The following MDM1 variants were observed in gnomAD, a reference collection of about 807,000 sequenced individuals.
MDM1 encodes stabilizer of axonemal microtubules 6.
In MDM1, 61 loss-of-function variants were observed where a neutral mutation model predicts 89.1. The observed-to-expected ratio is 0.68, with a 90% CI of 0.56 to 0.85. The LOEUF (loss-of-function observed/expected upper bound fraction) is 0.85, where lower values mean the gene tolerates loss of function less well. Ranked by LOEUF, MDM1 falls within the 40% of genes least tolerant of loss-of-function variation. The probability of loss-of-function intolerance (pLI) is 0.00; values close to 1 mark genes in which losing one functional copy is unlikely to be tolerated. For synonymous variants in MDM1, 290 were observed against 294.1 expected (o/e 0.99, Z 0.14); for missense variants, 820 against 846.5 (o/e 0.97, Z 0.39).
chr12:68,295,488 G>GA (rs371457882), intron 14 of MDM1, 122 bp from the exon 15 acceptor site: 29 of 607,438 alleles, frequency 4.8e-5, no homozygotes, highest in African/African-American at 4.0e-4. Flanking sequence ...AGTTAGTCAG[G>GA]AAAAAAAGTA....
chr12:68,325,347 A>G, intron 4 of MDM1, 94 bp downstream of exon 4: 1 of 1,386,826 alleles, frequency 7.2e-7, no homozygotes, highest in Non-Finnish European at 9.4e-7. Flanking sequence ...AGGCTACTTA[A>G]GTACTTAATT....
intron 3 of MDM1, 82 bp downstream of exon 3, chr12:68,326,575 C>A (rs867501626): frequency 6.2e-7 from 1 of 1,613,136 alleles, no homozygotes; most frequent in South Asian, 1.1e-5. Flanking sequence ...TTCTGAAACA[C>A]AAAATGTAAT....
intron 4 of MDM1, 170 bp downstream of exon 4, chr12:68,325,271 C>G: frequency 7.8e-7 from 1 of 1,278,926 alleles, no homozygotes; most frequent in South Asian, 2.9e-5. Flanking sequence ...ATATTACTAC[C>G]ATAAATCATA....
intron 9 of MDM1, among the ~76,000 whole-genome samples, chr12:68,315,708 T>C (rs1322983483): frequency 6.6e-6 from 1 of 152,212 alleles, no homozygotes; most frequent in Non-Finnish European, 1.5e-5. Context: ...AGCCACAAAA[T>C]CTATTAATGA....
intron 13 of MDM1, among the ~76,000 whole-genome samples, chr12:68,297,207 C>G (rs1871524511): frequency 6.6e-6 from 1 of 152,174 alleles, no homozygotes; most frequent in Non-Finnish European, 1.5e-5. Flanking sequence ...ATGCACTTAG[C>G]AAGCATGTAA....
At chr12:68,313,292 A>G (rs1873949422) in intron 12 of MDM1, 151 bp downstream of exon 12, 20 of 604,460 alleles carry the variant, frequency 3.3e-5, no homozygotes, top group Non-Finnish European at 5.7e-5. Flanking sequence ...AAAAAAGTCA[A>G]GCCTTTTGCC....
intron 14 of MDM1, among the ~76,000 whole-genome samples, chr12:68,296,183 A>G (rs1268854044): frequency 6.6e-6 from 1 of 152,246 alleles, no homozygotes; most frequent in Non-Finnish European, 1.5e-5. Context: ...TGCCACTATT[A>G]TAAGCAAATA....
intron 14 of MDM1, among the ~76,000 whole-genome samples, chr12:68,296,295 T>G (rs548783931): frequency 6.6e-6 from 1 of 152,130 alleles, no homozygotes; most frequent in Non-Finnish European, 1.5e-5. Flanking sequence ...GTCAGGAGTT[T>G]GAGACCATCC....
chr12:68,300,700 G>A (rs534235090), intron 13 of MDM1, among the ~76,000 whole-genome samples: 11 of 152,066 alleles, frequency 7.2e-5, no homozygotes, highest in Non-Finnish European at 1.2e-4. Context: ...AGTAGACAGC[G>A]ACATAATAAT....
chr12:68,332,138 G>C, intron 1 of MDM1, 90 bp downstream of exon 1: 1 of 1,498,332 alleles, frequency 6.7e-7, no homozygotes, highest in Non-Finnish European at 9.0e-7. Flanking sequence ...GAGGGCTGCA[G>C]CGCAGAAAAG....
intron 12 of MDM1, among the ~76,000 whole-genome samples, chr12:68,310,907 T>A (rs1196061469): frequency 6.6e-6 from 1 of 152,234 alleles, no homozygotes; most frequent in African/African-American, 2.4e-5. Context: ...GCCTTGTCAT[T>A]ACTGGTAACT....
chr12:68,313,806 G>A, intron 10 of MDM1, 53 bp from the exon 11 acceptor site: 1 of 1,396,348 alleles, frequency 7.2e-7, no homozygotes, highest in Non-Finnish European at 1.0e-6. Context: ...GAGAAAATAT[G>A]ATAAAAAATA....
Position 68,326,864 on chromosome 12 carries a change from T to C in MDM1, c.291A>G (p.Ala97=). The C allele has an allele frequency of 6.2e-7, 1 of 1,614,002 alleles. No homozygotes were observed. The highest frequency in any genetic ancestry group is 1.3e-5 in the African/African-American group (1 of 75,056). The part of the protein sequence containing the change: ...EAPETPKSQE[A]EQKDVTQERV... ...TTTCTTGAGTAACATCCTTTTGTTCTGCTTCTTGTGATTTTGGTGTTTCCG... is the reference window on the plus strand; with the variant it reads ...TTTCTTGAGTAACATCCTTTTGTTCCGCTTCTTGTGATTTTGGTGTTTCCG... The change falls in exon 3 of 15, where the codon GCA becomes GCG. Residue 97 remains alanine (A), a synonymous_variant. Transcript: ENST00000682720.
At chr12:68,308,994 C>T (rs1362963947) in intron 12 of MDM1, among the ~76,000 whole-genome samples, 1 of 152,200 alleles carries the variant, frequency 6.6e-6, no homozygotes, top group Non-Finnish European at 1.5e-5. Flanking sequence ...CCAACACCTC[C>T]TACGTGGACT....
chr12:68,325,675 A>C, intron 3 of MDM1, 100 bp from the exon 4 acceptor site: 1 of 1,371,632 alleles, frequency 7.3e-7, no homozygotes, highest in African/African-American at 1.5e-5. Flanking sequence ...CTATCCTCTT[A>C]ACAAAATGTT....
At chr12:68,321,475 T>C (rs772986683) in intron 6 of MDM1, 29 bp from the exon 7 acceptor site, 3 of 1,610,994 alleles carry the variant, frequency 1.9e-6, no homozygotes, top group Admixed American at 3.3e-5. Flanking sequence ...AAGTAAATAT[T>C]TCACCATGTT....
intron 7 of MDM1, among the ~76,000 whole-genome samples, chr12:68,317,406 G>T (rs2121022189): frequency 6.6e-6 from 1 of 151,034 alleles, no homozygotes; most frequent in East Asian, 1.9e-4. Flanking sequence ...TTTTCTTTCA[G>T]GGCAAAAAAA....
At chr12:68,325,202 A>G in intron 4 of MDM1, 1 of 1,115,666 alleles carries the variant, frequency 9.0e-7, no homozygotes, top group Non-Finnish European at 1.1e-6. Flanking sequence ...ACCCTGTCTC[A>G]TATTTAGTAT....
intron 12 of MDM1, 107 bp downstream of exon 12, chr12:68,313,336 A>C: frequency 6.1e-6 from 5 of 813,928 alleles, no homozygotes; most frequent in Non-Finnish European, 9.8e-6. Flanking sequence ...TCATCTCCTC[A>C]TATGATAGCC....
Sources: allele counts gnomAD v4.1 joint callset (sites outside exome capture counted in the v4.1 genomes callset), GRCh38; gene constraint gnomAD v4.1.1; transcripts MANE v1.5; gene names NCBI Gene and HGNC (gene_info 2026-07-23, HGNC 2026-07-21).